The following PRDM16 variants were observed in gnomAD, a reference collection of about 807,000 sequenced individuals.
PRDM16 encodes PR/SET domain 16, also known as histone-lysine N-methyltransferase PRDM16.
PRDM16 carries 23 observed loss-of-function variants against 110.6 expected under a neutral mutation model. The ratio of observed to expected loss-of-function variants is 0.21; its 90% CI spans 0.15 to 0.29. The LOEUF (loss-of-function observed/expected upper bound fraction) is 0.29. PRDM16 is among the 10% of genes least tolerant of loss of function. The pLI is 1.00. For synonymous variants in PRDM16, 799 were observed against 781.8 expected (o/e 1.02, Z -0.37); for missense variants, 1,615 against 1,794.3 (o/e 0.90, Z 1.81).
intron 1 of PRDM16, among the ~76,000 whole-genome samples, chr1:3,152,472 C>T (rs1643795332): frequency 6.6e-6 from 1 of 152,204 alleles, no homozygotes; most frequent in Non-Finnish European, 1.5e-5. Flanking sequence ...TGGCTACTCT[C>T]TGGCTCCTGA....
intron 3 of PRDM16, among the ~76,000 whole-genome samples, chr1:3,252,146 C>A (rs1012997889): frequency 6.6e-6 from 1 of 152,216 alleles, no homozygotes; most frequent in Admixed American, 6.5e-5. Flanking sequence ...TCTGTGACAT[C>A]ATGCTGTGCC....
Position 3,200,289 on chromosome 1 carries a change from G to A in PRDM16, c.387+13815G>A, listed in dbSNP as rs545973146. ...CCTGCACACCGGCAGAAAACCACAG[G>A]CTCTACCGAGGCCCTTAGCCGGGGC... On this transcript the variant is annotated intron_variant, in intron 2 of 16. Transcript: ENST00000270722. Among the ~76,000 whole-genome samples, 34 of 152,330 alleles carry A rather than the reference G, an allele frequency of 2.2e-4. No individual in the cohort carries two copies. The Middle Eastern group carries it at 0.01, about 46-fold the overall frequency.
At chr1:3,344,322 A>AT (rs1477130267) in intron 3 of PRDM16, among the ~76,000 whole-genome samples, 2 of 152,222 alleles carry the variant, frequency 1.3e-5, no homozygotes, top group East Asian at 1.9e-4. Flanking sequence ...TAAAAAAAAA[A>AT]CTAAGCCTAT....
At chr1:3,276,728 G>GAACAGAGCCAGCGAGGGGTGCCTA (rs1393522886) in intron 3 of PRDM16, among the ~76,000 whole-genome samples, 3 of 582 alleles carry the variant, frequency 5.2e-3, no homozygotes, top group African/African-American at 0.027. Context: ...AGGGGTGCCT[G>GAACAGAGCCAGCGAGGGGTGCCTA]TTTCCTCACG....
chr1:3,279,481 C>T (rs1487307566), intron 3 of PRDM16, among the ~76,000 whole-genome samples: 1 of 152,256 alleles, frequency 6.6e-6, no homozygotes, highest in African/African-American at 2.4e-5. Flanking sequence ...TCTGGGACGC[C>T]CTGCACGCCT....
chr1:3,352,418 G>GC (rs1378702228), intron 3 of PRDM16, among the ~76,000 whole-genome samples: 16 of 152,180 alleles, frequency 1.1e-4, no homozygotes, highest in South Asian at 2.1e-4. Context: ...CGAAGCCGGC[G>GC]CCCCCCTTGC....
At chr1:3,161,506 A>G (rs965266684) in intron 1 of PRDM16, among the ~76,000 whole-genome samples, 4 of 152,158 alleles carry the variant, frequency 2.6e-5, no homozygotes, top group African/African-American at 9.7e-5. Flanking sequence ...CTCTTTGTGG[A>G]TGGGTCGGGA....
intron 3 of PRDM16, among the ~76,000 whole-genome samples, chr1:3,380,895 T>TG (rs201839757): frequency 0.019 from 2,825 of 152,272 alleles, 40 homozygotes; most frequent in Middle Eastern, 0.037. Context: ...CACAGTGATA[T>TG]GGGCCTGGAG....
intron 2 of PRDM16, among the ~76,000 whole-genome samples, chr1:3,194,738 G>A (rs529432760): frequency 1.4e-4 from 21 of 152,062 alleles, no homozygotes; most frequent in South Asian, 1.0e-3. Flanking sequence ...ACACGCCACC[G>A]TCTGATCGCC....
At chr1:3,273,817 AGTGTGT>A (rs57550885) in intron 3 of PRDM16, among the ~76,000 whole-genome samples, 10,932 of 136,972 alleles carry the variant, frequency 0.08, 616 homozygotes, top group East Asian at 0.19. Flanking sequence ...TAGGCATGTA[AGTGTGT>A]GTGTGTGTGT....
intron 2 of PRDM16, among the ~76,000 whole-genome samples, chr1:3,219,546 CAG>C (rs1458589385): frequency 3.9e-5 from 6 of 152,176 alleles, no homozygotes; most frequent in African/African-American, 4.8e-5. Flanking sequence ...TCTTTGGGAA[CAG>C]AGAGAGTCAG....
chr1:3,117,950 CGTGTGTGTGCATGCATGCTCATGCT>C (rs1642997681), intron 1 of PRDM16, among the ~76,000 whole-genome samples: 2 of 152,134 alleles, frequency 1.3e-5, no homozygotes, highest in South Asian at 4.1e-4. Flanking sequence ...AAGTTGTGCA[CGTGTGTGTGCATGCATGCTCATGCT>C]GTGTGTGTGT....
chr1:3,292,868 C>T (rs1162930061), intron 3 of PRDM16, among the ~76,000 whole-genome samples: 3 of 152,188 alleles, frequency 2.0e-5, no homozygotes, highest in Non-Finnish European at 4.4e-5. Context: ...GGTGGGTTTC[C>T]GGCAGCCAAG....
intron 4 of PRDM16, among the ~76,000 whole-genome samples, chr1:3,389,865 G>T (rs1643268200): frequency 6.6e-6 from 1 of 152,130 alleles, no homozygotes; most frequent in Admixed American, 6.5e-5. Context: ...CGTCGTGGGG[G>T]ACTTTGACTT....
chr1:3,095,531 TG>T (rs1642376359), intron 1 of PRDM16, among the ~76,000 whole-genome samples: 1 of 152,084 alleles, frequency 6.6e-6, no homozygotes. Flanking sequence ...TGGTGCCTCA[TG>T]GGGGGCCGGG....
chr1:3,261,912 G>A (rs1640172068), intron 3 of PRDM16, among the ~76,000 whole-genome samples: 1 of 152,220 alleles, frequency 6.6e-6, no homozygotes, highest in Non-Finnish European at 1.5e-5. Context: ...GCAATAGGAA[G>A]AGAAAGGAAA....
chr1:3,425,922 C>T lies in PRDM16; in HGVS notation c.3110-129C>T. The stretch of plus-strand genomic sequence containing the variant: ...CGTGGTCATTAAAGAGAACCTCGTG[C>T]TCTCCGGTGTCCCTAAGAAACCTGC... On this transcript the variant is annotated intron_variant, in intron 13 of 16. Transcript: ENST00000270722. The surrounding 1 kb of genome is among the most constrained non-coding windows in gnomAD (Gnocchi z 6.9). 3 of 1,256,360 alleles carry T rather than the reference C, an allele frequency of 2.4e-6. No individual in the cohort carries two copies. The highest frequency in any genetic ancestry group is 1.5e-5 in the South Asian group (1 of 66,946). The allele number at this position is 1,256,360 out of a possible 1,614,324, so 77.8% of individuals were successfully genotyped here.
At chr1:3,119,263 GGGCCGGTGCCTC>G (rs1328779958) in intron 1 of PRDM16, among the ~76,000 whole-genome samples, 1 of 152,268 alleles carries the variant, frequency 6.6e-6, no homozygotes, top group East Asian at 1.9e-4. Flanking sequence ...TGCTGGTGAA[GGGCCGGTGCCTC>G]GGCCGGTGCC....
intron 10 of PRDM16, among the ~76,000 whole-genome samples, chr1:3,415,410 T>C (rs929548246): frequency 6.6e-6 from 1 of 152,236 alleles, no homozygotes; most frequent in Non-Finnish European, 1.5e-5. Context: ...GACCGGGGCA[T>C]TGTTCTCTTT....
Sources: gnomAD v4.1 joint callset for allele counts (sites outside exome capture counted in the v4.1 genomes callset) on GRCh38, gnomAD v4.1.1 for gene constraint, Gnocchi (gnomAD v3.1) non-coding constraint, MANE v1.5 for transcripts, NCBI Gene and HGNC (gene_info 2026-07-23, HGNC 2026-07-21) for gene names.